The following PDE10A variants were observed in gnomAD, a reference collection of about 807,000 sequenced individuals.
PDE10A encodes the protein phosphodiesterase 10A, also known as cAMP and cAMP-inhibited cGMP 3',5'-cyclic phosphodiesterase 10A.
Under a neutral mutation model 97.7 loss-of-function variants are expected in PDE10A, and 39 were observed. That is an observed-to-expected ratio of 0.40 (90% CI 0.31 to 0.52). The LOEUF (loss-of-function observed/expected upper bound fraction) is 0.52. Ranked by LOEUF, PDE10A falls within the 20% of genes least tolerant of loss-of-function variation. PDE10A has a pLI of 0.56. For synonymous variants in PDE10A, 371 were observed against 376.8 expected (o/e 0.98, Z 0.18); for missense variants, 731 against 1,047.8 (o/e 0.70, Z 4.17).
At chr6:165,896,190 C>T (rs996794510) in intron 1 of PDE10A, among the ~76,000 whole-genome samples, 9 of 152,130 alleles carry the variant, frequency 5.9e-5, no homozygotes, top group African/African-American at 2.2e-4. Context: ...CTGGAGTTGT[C>T]ATCTTGTTGG....
chr6:165,596,137 C>A (rs958619189), intron 1 of PDE10A, among the ~76,000 whole-genome samples: 4 of 152,116 alleles, frequency 2.6e-5, no homozygotes, highest in African/African-American at 9.7e-5. Flanking sequence ...GATGATCCTC[C>A]ATTATTCCAT....
chr6:165,826,631 TG>T (rs1012786254), intron 1 of PDE10A, among the ~76,000 whole-genome samples: 2 of 151,520 alleles, frequency 1.3e-5, no homozygotes, highest in Non-Finnish European at 2.9e-5. Flanking sequence ...ACCATAGGGG[TG>T]GTGCGGGGGA....
In PDE10A at chr6:165,418,150, T is replaced by C. The variant is rs1788453555; in HGVS notation, c.1796+485A>G. On this transcript the variant is annotated intron_variant, in intron 11 of 21. Transcript: ENST00000539869. The surrounding 1 kb of genome is among the most constrained non-coding windows in gnomAD (Gnocchi z 4.8). ...CTTCAGTTTCAAGATGCAACACAGG[T>C]GTGCTATGTGATTGATTAAAACAGC... Among the ~76,000 whole-genome samples, 2 of 152,122 alleles carry C rather than the reference T, an allele frequency of 1.3e-5. No homozygotes were observed. The highest frequency in any genetic ancestry group is 1.3e-4 in the Admixed American group (2 of 15,276).
At chr6:165,503,024 C>A (rs968888050) in intron 2 of PDE10A, among the ~76,000 whole-genome samples, 4 of 152,146 alleles carry the variant, frequency 2.6e-5, no homozygotes, top group African/African-American at 9.7e-5. Context: ...GCTGATTAAA[C>A]AAAGAAACAA....
chr6:165,457,283 A>G (rs1778009890), intron 3 of PDE10A, among the ~76,000 whole-genome samples: 1 of 152,172 alleles, frequency 6.6e-6, no homozygotes, highest in Admixed American at 6.6e-5. Context: ...AACTACAACA[A>G]GTTTATACTG....
intron 1 of PDE10A, among the ~76,000 whole-genome samples, chr6:165,640,226 G>A (rs1789068049): frequency 6.6e-6 from 1 of 151,976 alleles, no homozygotes; most frequent in South Asian, 2.1e-4. Flanking sequence ...AGATTCTAAT[G>A]GTTTCTATTT....
intron 13 of PDE10A, among the ~76,000 whole-genome samples, chr6:165,399,612 TC>T (rs1786472594): frequency 6.9e-6 from 1 of 144,716 alleles, no homozygotes; most frequent in Non-Finnish European, 1.5e-5. Flanking sequence ...TGTGTGATGT[TC>T]CCCTTCCTGT....
intron 1 of PDE10A, among the ~76,000 whole-genome samples, chr6:165,881,039 C>T (rs768186343): frequency 1.7e-4 from 26 of 152,192 alleles, no homozygotes; most frequent in Non-Finnish European, 3.2e-4. Flanking sequence ...TTAAACCACA[C>T]AAACCACGTT....
chr6:165,967,906 C>T (rs1209313482), intron 1 of PDE10A, among the ~76,000 whole-genome samples: 1 of 152,150 alleles, frequency 6.6e-6, no homozygotes, highest in Non-Finnish European at 1.5e-5. Context: ...AATAGCACTC[C>T]CCAAAACTGC....
intron 1 of PDE10A, among the ~76,000 whole-genome samples, chr6:165,862,676 CTTTTTT>C (rs200141487): frequency 0.029 from 4,050 of 140,730 alleles, 64 homozygotes; most frequent in Non-Finnish European, 0.034. Context: ...AGCAGTCGTC[CTTTTTT>C]TTTTTTTTTT....
At position 165,819,600 on chromosome 6, in the gene PDE10A, GAC is replaced by G. The variant is rs1211431980; in HGVS notation, c.-615+167927_-615+167928del. 2.0e-5 allele frequency among the ~76,000 whole-genome samples: 3 copies of G among 152,106 alleles called. No homozygotes were observed. The highest frequency in any genetic ancestry group is 7.2e-5 in the African/African-American group (3 of 41,412). ...CCGCGACCCCCACCCCGAGTTGCCG[GAC>G]ACAGTCAGGCAGAGCCGGTTGCTCC... On this transcript the variant is annotated intron_variant, in intron 1 of 19. Coordinates refer to the PDE10A transcript ENST00000366882. The surrounding 1 kb of genome is among the most constrained non-coding windows in gnomAD (Gnocchi z 4.2).
At chr6:165,573,992 G>T (rs1388882726) in intron 1 of PDE10A, among the ~76,000 whole-genome samples, 1 of 152,240 alleles carries the variant, frequency 6.6e-6, no homozygotes, top group Non-Finnish European at 1.5e-5. Flanking sequence ...ATTACTGTGT[G>T]AACCCTGGAG....
chr6:165,334,785 T>A (rs970646363), intron 21 of PDE10A, among the ~76,000 whole-genome samples: 1 of 152,070 alleles, frequency 6.6e-6, no homozygotes, highest in African/African-American at 2.4e-5. Context: ...GGATGCTACG[T>A]TTATATCCAC....
chr6:165,973,422 A>T (rs1299974029), intron 1 of PDE10A, among the ~76,000 whole-genome samples: 9 of 146,772 alleles, frequency 6.1e-5, no homozygotes, highest in South Asian at 2.3e-4. Flanking sequence ...TCAAAAAAAA[A>T]AAAAATAAAA....
At chr6:165,491,572 G>T (rs1780228964) in intron 2 of PDE10A, among the ~76,000 whole-genome samples, 1 of 152,016 alleles carries the variant, frequency 6.6e-6, no homozygotes, top group Non-Finnish European at 1.5e-5. Flanking sequence ...GAATAAAATT[G>T]GAAATCAACT....
At chr6:165,850,617 A>G (rs1780548661) in intron 1 of PDE10A, among the ~76,000 whole-genome samples, 1 of 152,160 alleles carries the variant, frequency 6.6e-6, no homozygotes, top group Non-Finnish European at 1.5e-5. Flanking sequence ...CGACACTGGC[A>G]GCTGGGTGCC....
intron 1 of PDE10A, among the ~76,000 whole-genome samples, chr6:165,549,785 A>T (rs1274833802): frequency 6.6e-6 from 1 of 152,170 alleles, no homozygotes; most frequent in Non-Finnish European, 1.5e-5. Context: ...AAGTCTCATC[A>T]CCTTAATATC....
At chr6:165,926,542 C>T (rs763933042) in intron 1 of PDE10A, among the ~76,000 whole-genome samples, 10 of 152,188 alleles carry the variant, frequency 6.6e-5, no homozygotes, top group African/African-American at 2.2e-4. Flanking sequence ...GAAACCCTAA[C>T]GGTTAGATTG....
intron 1 of PDE10A, among the ~76,000 whole-genome samples, chr6:165,562,882 G>A (rs982701382): frequency 1.5e-4 from 23 of 151,942 alleles, no homozygotes; most frequent in Admixed American, 8.5e-4. Context: ...AGAGGAAGGG[G>A]GTACCAGTGA....
Sources: gnomAD v4.1 joint callset for allele counts (sites outside exome capture counted in the v4.1 genomes callset) on GRCh38, gnomAD v4.1.1 for gene constraint, Gnocchi (gnomAD v3.1) non-coding constraint, MANE v1.5 for transcripts, NCBI Gene and HGNC (gene_info 2026-07-23, HGNC 2026-07-21) for gene names.